Variants in CDH4 observed in about 807,000 individuals in gnomAD.
CDH4 encodes cadherin 4.
A neutral mutation model predicts 86.0 loss-of-function variants in CDH4; 33 were observed. The ratio of observed to expected loss-of-function variants is 0.38; its 90% CI spans 0.29 to 0.51. The LOEUF (loss-of-function observed/expected upper bound fraction) is 0.51, where lower values mean the gene tolerates loss of function less well. Among genes scored for constraint, CDH4 ranks in the 20% least tolerant of loss-of-function variants. The probability of loss-of-function intolerance (pLI) is 0.86; values close to 1 mark genes in which losing one functional copy is unlikely to be tolerated. For synonymous variants in CDH4, 555 were observed against 549.4 expected, an observed-to-expected ratio of 1.01 and a Z score of -0.14; for missense variants, 1,114 against 1,307.4, an observed-to-expected ratio of 0.85 and a Z score of 2.28.
chr20:61,743,297 G>A (rs1028322578), intron 2 of CDH4, among the ~76,000 whole-genome samples: 2 of 152,372 alleles, frequency 1.3e-5, no homozygotes, highest in East Asian at 1.9e-4. Flanking sequence ...GGAGAGATGC[G>A]TTTGCAGAAG....
intron 8 of CDH4, among the ~76,000 whole-genome samples, chr20:61,896,109 C>T (rs966107252): frequency 6.6e-6 from 1 of 152,222 alleles, no homozygotes; most frequent in African/African-American, 2.4e-5. Flanking sequence ...GACAGTGGCA[C>T]ACCAGCTGCA....
At chr20:61,525,648 T>C (rs918663694) in intron 2 of CDH4, among the ~76,000 whole-genome samples, 2 of 152,224 alleles carry the variant, frequency 1.3e-5, no homozygotes, top group Non-Finnish European at 2.9e-5. Flanking sequence ...GTGCTGCGGC[T>C]GTACCCGATC....
intron 2 of CDH4, among the ~76,000 whole-genome samples, chr20:61,586,190 G>C (rs1344326216): frequency 6.6e-6 from 1 of 151,956 alleles, no homozygotes; most frequent in Admixed American, 6.6e-5. Context: ...AGTGATCATG[G>C]TGATGATCAT....
rs1156750549 is a variant in CDH4, at chr20:61,793,913, T to A, written c.576+20731T>A. ...CAGCACTTTGGGAGGCCAAGGCGGG[T>A]AGATCACGAAGTCAGGAGATAGAGA... is the stretch of plus-strand genomic sequence containing the variant. On this transcript the variant is annotated intron_variant, in intron 4 of 15. Transcript: ENST00000614565. 9.9e-5 allele frequency among the ~76,000 whole-genome samples: 14 copies of A among 141,486 alleles called. No individual in the cohort carries two copies. In the East Asian group the frequency reaches 2.9e-3, roughly 29 times the overall value. The allele number at this position is 141,486 out of a possible 152,430, so 92.8% of individuals were successfully genotyped here. A position where few individuals can be genotyped will look rare whatever the true frequency, so the allele number is the denominator to read the frequency against.
At chr20:61,727,389 T>A (rs2088128683) in intron 2 of CDH4, among the ~76,000 whole-genome samples, 1 of 145,488 alleles carries the variant, frequency 6.9e-6, no homozygotes, top group South Asian at 2.3e-4. Context: ...CTATCTCTCT[T>A]ATCACCATTG....
chr20:61,565,088 GCTC>G (rs776343716), intron 2 of CDH4, among the ~76,000 whole-genome samples: 6,826 of 87,364 alleles, frequency 0.078, 284 homozygotes, highest in African/African-American at 0.12. Context: ...TGGTGGTGGT[GCTC>G]TTGGTGGTGC....
At chr20:61,866,543 T>A (rs983617781) in intron 6 of CDH4, among the ~76,000 whole-genome samples, 3 of 152,172 alleles carry the variant, frequency 2.0e-5, no homozygotes, top group Non-Finnish European at 2.9e-5. Flanking sequence ...ATGTCTTCCT[T>A]TCATTTCTTT....
chr20:61,910,334 C>T (rs758884905), intron 8 of CDH4, 88 bp from the exon 9 acceptor site: 73 of 1,172,700 alleles, frequency 6.2e-5, no homozygotes, highest in East Asian at 9.8e-5. Flanking sequence ...TGTGAACACT[C>T]GTTGAGCTGC....
chr20:61,328,368 G>T (rs1026554366), intron 2 of CDH4, among the ~76,000 whole-genome samples: 5 of 152,118 alleles, frequency 3.3e-5, no homozygotes, highest in Non-Finnish European at 7.4e-5. Flanking sequence ...GTAGAGATGG[G>T]GTTTCACTGT....
intron 2 of CDH4, among the ~76,000 whole-genome samples, chr20:61,339,682 A>C (rs182461003): frequency 6.6e-6 from 1 of 152,314 alleles, no homozygotes; most frequent in East Asian, 1.9e-4. Context: ...GTTATGAATG[A>C]AATTGTGACG....
At chr20:61,837,053 G>T (rs1268321877) in intron 4 of CDH4, among the ~76,000 whole-genome samples, 1 of 152,200 alleles carries the variant, frequency 6.6e-6, no homozygotes, top group Middle Eastern at 3.2e-3. Flanking sequence ...AATTGGCCAG[G>T]TGTGGTGGTC....
intron 7 of CDH4, among the ~76,000 whole-genome samples, chr20:61,875,485 C>T (rs1227451484): frequency 6.6e-6 from 1 of 152,222 alleles, no homozygotes. Context: ...AGGATGATGA[C>T]AGCCTTGGAC....
chr20:61,659,204 C>T (rs560527885), intron 2 of CDH4, among the ~76,000 whole-genome samples: 1 of 152,282 alleles, frequency 6.6e-6, no homozygotes, highest in South Asian at 2.1e-4. Context: ...CCGTGACACT[C>T]GTGGGGGTTT....
At chr20:61,424,161 C>G (rs2085197327) in intron 2 of CDH4, among the ~76,000 whole-genome samples, 1 of 151,116 alleles carries the variant, frequency 6.6e-6, no homozygotes, top group Non-Finnish European at 1.5e-5. Flanking sequence ...CACACATATC[C>G]ACACATATGT....
At chr20:61,336,993 C>T (rs935349000) in intron 2 of CDH4, among the ~76,000 whole-genome samples, 1 of 152,166 alleles carries the variant, frequency 6.6e-6, no homozygotes, top group Non-Finnish European at 1.5e-5. Context: ...TGACATGCCT[C>T]TTCTCTGTGT....
chr20:61,390,997 T>C (rs1473115495), intron 2 of CDH4, among the ~76,000 whole-genome samples: 1 of 152,242 alleles, frequency 6.6e-6, no homozygotes, highest in African/African-American at 2.4e-5. Context: ...TATTCTTCAC[T>C]AATACAAGCT....
chr20:61,538,285 C>T (rs1398350202), intron 2 of CDH4, among the ~76,000 whole-genome samples: 1 of 152,184 alleles, frequency 6.6e-6, no homozygotes, highest in African/African-American at 2.4e-5. Context: ...TCCAGCTGTG[C>T]CCGTCACTCT....
At chr20:61,301,239 C>T (rs1211500377) in intron 2 of CDH4, among the ~76,000 whole-genome samples, 5 of 152,240 alleles carry the variant, frequency 3.3e-5, no homozygotes, top group East Asian at 3.8e-4. Flanking sequence ...ACAATGGATG[C>T]GGTAAATGCC....
chr20:61,659,986 G>A (rs147506435), intron 2 of CDH4, among the ~76,000 whole-genome samples: 2,170 of 152,356 alleles, frequency 0.014, 43 homozygotes, highest in African/African-American at 0.049. Context: ...GCACAGTGGT[G>A]GAAAAGCTGC....
Sources: gnomAD v4.1 joint callset for allele counts (sites outside exome capture counted in the v4.1 genomes callset) on GRCh38, gnomAD v4.1.1 for gene constraint, MANE v1.5 for transcripts, NCBI Gene and HGNC (gene_info 2026-07-23, HGNC 2026-07-21) for gene names.